The following KLRG1 variants were observed in gnomAD, a reference collection of about 807,000 sequenced individuals.
KLRG1 encodes killer cell lectin like receptor G1.
KLRG1 carries 16 observed loss-of-function variants against 21.8 expected under a neutral mutation model. The observed-to-expected ratio is 0.73, with a 90% CI of 0.50 to 1.11. The LOEUF (loss-of-function observed/expected upper bound fraction) is 1.11, where lower values mean the gene tolerates loss of function less well. KLRG1 is among the 50% of genes most tolerant of loss of function. The pLI is 0.00. For synonymous variants in KLRG1, 69 were observed against 75.9 expected, an observed-to-expected ratio of 0.91 and a Z score of 0.47; for missense variants, 173 against 218.3, an observed-to-expected ratio of 0.79 and a Z score of 1.31.
chr12:9,027,964 C>G, the KLRG1 span: 1 of 964,294 alleles, frequency 1.0e-6, no homozygotes, highest in Non-Finnish European at 1.7e-6. Flanking sequence ...TTCCTAACTT[C>G]ACAGTTGTGG....
chr12:9,127,812 T>C, the KLRG1 span: 1 of 223,312 alleles, frequency 4.5e-6, no homozygotes, highest in Non-Finnish European at 9.3e-6. Context: ...AGGTGCGGGC[T>C]CTGGAGGAGG....
chr12:9,113,613 C>CCAT, the KLRG1 span: 1 of 1,419,454 alleles, frequency 7.0e-7, no homozygotes, highest in Non-Finnish European at 9.8e-7. Flanking sequence ...GCACTTTTTT[C>CCAT]CATCATCATA....
At chr12:9,152,229 T>C in the KLRG1 span, 2 of 1,601,262 alleles carry the variant, frequency 1.2e-6, no homozygotes, top group Non-Finnish European at 1.7e-6. Flanking sequence ...CCATTTTTAC[T>C]GTTGGTTTCA....
chr12:9,088,085 T>TGAGTGAA, the KLRG1 span, among the ~76,000 whole-genome samples: 1 of 152,112 alleles, frequency 6.6e-6, no homozygotes, highest in African/African-American at 2.4e-5. Context: ...GACAGGATGC[T>TGAGTGAA]GAGTGAAAAA....
At chr12:9,186,517 A>G in the KLRG1 span, among the ~76,000 whole-genome samples, 14 of 152,324 alleles carry the variant, frequency 9.2e-5, no homozygotes, top group South Asian at 2.5e-3. Context: ...CCCATCTCAC[A>G]TGCAATGACA....
chr12:9,013,616 C>T (rs1280452770), downstream of KLRG1, among the ~76,000 whole-genome samples: 1 of 152,166 alleles, frequency 6.6e-6, no homozygotes, highest in Non-Finnish European at 1.5e-5. Flanking sequence ...AAAGGCACAT[C>T]TCACGTGGCA....
At chr12:8,999,973 C>T (rs1166796185) in intron 3 of KLRG1, among the ~76,000 whole-genome samples, 1 of 151,964 alleles carries the variant, frequency 6.6e-6, no homozygotes, top group East Asian at 1.9e-4. Flanking sequence ...AGGCAGAGGT[C>T]TCAGTGAGCC....
chr12:9,098,585 C>T, the KLRG1 span: 15 of 1,580,422 alleles, frequency 9.5e-6, no homozygotes, highest in Non-Finnish European at 1.3e-5. Context: ...CTTCTTGATT[C>T]CTGAGGCTGC....
chr12:9,089,808 C>T, the KLRG1 span: 4 of 883,708 alleles, frequency 4.5e-6, no homozygotes, highest in Non-Finnish European at 3.2e-6. Flanking sequence ...CAGAGAGATA[C>T]ATGAGAATAA....
the KLRG1 span, among the ~76,000 whole-genome samples, chr12:9,195,113 G>C: frequency 6.6e-6 from 1 of 151,940 alleles, no homozygotes; most frequent in Admixed American, 6.6e-5. Context: ...AGCAAAAAAA[G>C]GACAAATATT....
chr12:9,153,524 T>C, the KLRG1 span, among the ~76,000 whole-genome samples: 1 of 152,256 alleles, frequency 6.6e-6, no homozygotes, highest in East Asian at 1.9e-4. Context: ...TGCTGCAGTT[T>C]CTCCAAATGA....
the KLRG1 span, among the ~76,000 whole-genome samples, chr12:9,202,134 G>T: frequency 6.6e-6 from 1 of 152,126 alleles, no homozygotes; most frequent in South Asian, 2.1e-4. Context: ...ATAAGAGAAA[G>T]AACTTCCTCA....
the KLRG1 span, among the ~76,000 whole-genome samples, chr12:9,195,701 C>T: frequency 2.7e-5 from 4 of 150,308 alleles, no homozygotes; most frequent in East Asian, 1.9e-4. Flanking sequence ...CGATCCTCCC[C>T]CCTTGGCCTC....
chr12:9,006,114 A>C (rs762241750), intron 3 of KLRG1, among the ~76,000 whole-genome samples: 2 of 152,326 alleles, frequency 1.3e-5, no homozygotes, highest in East Asian at 3.9e-4. Context: ...ACAAAGAAAT[A>C]GTAAATGTTT....
the KLRG1 span, chr12:9,158,571 G>C: frequency 1.9e-6 from 3 of 1,614,008 alleles, no homozygotes; most frequent in Non-Finnish European, 2.5e-6. Context: ...TACAAAAGCT[G>C]TGAGCCTAGG....
the KLRG1 span, among the ~76,000 whole-genome samples, chr12:9,197,647 T>TAC: frequency 7.0e-5 from 7 of 99,488 alleles, no homozygotes; most frequent in South Asian, 2.0e-3. Context: ...TTATATTATA[T>TAC]AATATAATAT....
the KLRG1 span, chr12:9,079,720 T>C: frequency 6.2e-7 from 1 of 1,613,698 alleles, no homozygotes; most frequent in East Asian, 2.2e-5. Flanking sequence ...AGTACATAGA[T>C]GTTAGGAGCA....
chr12:9,107,664 A>T, the KLRG1 span: 1 of 1,612,410 alleles, frequency 6.2e-7, no homozygotes, highest in Non-Finnish European at 8.5e-7. Flanking sequence ...GAACATTCCC[A>T]AAGGAATCAG....
At chr12:9,043,707 T>G in the KLRG1 span, among the ~76,000 whole-genome samples, 1 of 152,248 alleles carries the variant, frequency 6.6e-6, no homozygotes, top group Non-Finnish European at 1.5e-5. Context: ...TGTTTCACTC[T>G]TCTTGAATCC....
Sources: gnomAD v4.1 joint callset for allele counts (sites outside exome capture counted in the v4.1 genomes callset) on GRCh38, gnomAD v4.1.1 for gene constraint, MANE v1.5 for transcripts, NCBI Gene and HGNC (gene_info 2026-07-23, HGNC 2026-07-21) for gene names.